Variants in PTPRD observed in about 807,000 individuals in gnomAD.
PTPRD encodes the protein protein tyrosine phosphatase receptor type D.
A neutral mutation model predicts 214.5 loss-of-function variants in PTPRD; 34 were observed. The observed-to-expected ratio is 0.16, with a 90% CI of 0.12 to 0.21. The LOEUF (loss-of-function observed/expected upper bound fraction) is 0.21. Ranked by LOEUF, PTPRD falls within the 10% of genes least tolerant of loss-of-function variation. PTPRD has a pLI of 1.00. For synonymous variants in PTPRD, 1,128 were observed against 845.7 expected (o/e 1.33, Z -5.79); for missense variants, 2,545 against 2,398.7 (o/e 1.06, Z -1.27).
At chr9:8,804,816 C>T (rs1461557469) in intron 11 of PTPRD, among the ~76,000 whole-genome samples, 3 of 152,112 alleles carry the variant, frequency 2.0e-5, no homozygotes, top group Admixed American at 2.0e-4. Flanking sequence ...GACTTTAGCT[C>T]AAAGTCCAGG....
intron 11 of PTPRD, among the ~76,000 whole-genome samples, chr9:8,973,123 G>T (rs904240046): frequency 2.0e-5 from 3 of 151,860 alleles, no homozygotes; most frequent in Non-Finnish European, 4.4e-5. Context: ...TTAGACACAG[G>T]TGTCAAATGT....
chr9:10,402,267 A>T (rs534153028), intron 2 of PTPRD, among the ~76,000 whole-genome samples: 3 of 151,804 alleles, frequency 2.0e-5, no homozygotes, highest in Non-Finnish European at 4.4e-5. Flanking sequence ...ATATCTTGAG[A>T]TTACAGAACT....
intron 3 of PTPRD, among the ~76,000 whole-genome samples, chr9:10,103,739 T>C (rs2098594981): frequency 6.6e-6 from 1 of 151,408 alleles, no homozygotes; most frequent in South Asian, 2.1e-4. Flanking sequence ...TGCTTATCCT[T>C]ACAGGCAGCA....
chr9:10,034,863 A>G lies in PTPRD; in HGVS notation c.-544-1073T>C, dbSNP rs144097800. 5.9e-4 allele frequency among the ~76,000 whole-genome samples: 90 copies of G among 152,248 alleles called. 2 individuals carry two copies. In the East Asian group the frequency reaches 0.015, roughly 25 times the overall value. The stretch of plus-strand genomic sequence containing the variant: ...TTTAGGTTGATTACACGTTTTTGCT[A>G]TTGTGAATAGTGCTGCAGTGAACAT... On this transcript the variant is annotated intron_variant, in intron 3 of 45. Coordinates refer to ENST00000381196, the MANE Select transcript of PTPRD (RefSeq NM_002839.4).
At position 8,316,053 on chromosome 9, in the gene PTPRD, T is replaced by C. The variant is rs1821545859; in HGVS notation, c.*1821A>G. The C allele has an allele frequency of 1.3e-5, 3 of 228,886 alleles. No homozygotes were observed. The highest frequency in any genetic ancestry group is 4.4e-5 in the African/African-American group (2 of 45,112). 14.2% of individuals were successfully genotyped at this position (228,886 alleles called of 1,614,324 possible). A position where few individuals can be genotyped will look rare whatever the true frequency, so the allele number is the denominator to read the frequency against. On this transcript the variant is annotated 3_prime_UTR_variant, in exon 46 of 46. Transcript: ENST00000381196. ...AAATAAGTTTGGTGCAGTTACTGCATGTTCCAGAGCGGATTTGGAAGGGAA... is the reference window on the plus strand; with the variant it reads ...AAATAAGTTTGGTGCAGTTACTGCACGTTCCAGAGCGGATTTGGAAGGGAA...
chr9:9,229,254 G>A (rs115182052), intron 9 of PTPRD, among the ~76,000 whole-genome samples: 1 of 152,038 alleles, frequency 6.6e-6, no homozygotes, highest in Non-Finnish European at 1.5e-5. Flanking sequence ...GGAAAAAGCA[G>A]AGTAATAGTC....
In PTPRD at chr9:9,953,088, C is replaced by T. The variant is rs75837983; in HGVS notation, c.-471-14478G>A. On this transcript the variant is annotated intron_variant, in intron 4 of 45. Transcript: ENST00000381196. ...GAAAAATGCAAAAGGTGGTGACCCA[C>T]ATCATATGTCTATTAGATTTATCCA... Among the ~76,000 whole-genome samples the T allele has an allele frequency of 8.2e-3, 1,251 of 152,210 alleles. 15 individuals are homozygous for T. The highest frequency in any genetic ancestry group is 0.029 in the African/African-American group (1,191 of 41,516).
At chr9:10,276,441 C>G (rs945164324) in intron 3 of PTPRD, among the ~76,000 whole-genome samples, 1 of 152,166 alleles carries the variant, frequency 6.6e-6, no homozygotes, top group African/African-American at 2.4e-5. Context: ...TGAGAAATGA[C>G]TGGATCTCAG....
chr9:9,811,859 A>G (rs1211478317), intron 5 of PTPRD, among the ~76,000 whole-genome samples: 1 of 152,196 alleles, frequency 6.6e-6, no homozygotes, highest in Admixed American at 6.5e-5. Flanking sequence ...TCTAATTGTG[A>G]AAGAAGTCCT....
At chr9:9,586,188 A>G (rs773515491) in intron 7 of PTPRD, among the ~76,000 whole-genome samples, 2 of 151,760 alleles carry the variant, frequency 1.3e-5, no homozygotes, top group African/African-American at 2.4e-5. Context: ...CATCTCTCAT[A>G]TTTCTTTTTC....
At chr9:8,710,228 T>G (rs1178114739) in intron 12 of PTPRD, among the ~76,000 whole-genome samples, 2 of 152,282 alleles carry the variant, frequency 1.3e-5, no homozygotes, top group East Asian at 1.9e-4. Context: ...GAAAGCAAAT[T>G]TCTGAAAGAC....
At chr9:8,752,599 C>T (rs2093634930) in intron 11 of PTPRD, among the ~76,000 whole-genome samples, 1 of 152,200 alleles carries the variant, frequency 6.6e-6, no homozygotes, top group South Asian at 2.1e-4. Flanking sequence ...AGAACCCTCT[C>T]TTGGGGTCTG....
chr9:9,237,142 T>C (rs2099967329), intron 9 of PTPRD, among the ~76,000 whole-genome samples: 1 of 152,200 alleles, frequency 6.6e-6, no homozygotes, highest in Admixed American at 6.5e-5. Context: ...ACAGAAATCT[T>C]TTGATTTCCT....
intron 4 of PTPRD, among the ~76,000 whole-genome samples, chr9:9,941,705 C>T (rs959005692): frequency 6.6e-6 from 1 of 152,110 alleles, no homozygotes; most frequent in Non-Finnish European, 1.5e-5. Flanking sequence ...AAGGACAGAT[C>T]GGCCTGTGAC....
In PTPRD at chr9:8,497,274, T is replaced by C; in HGVS notation, c.2323-6A>G. Reference sequence around the variant, plus strand: ...GTAGTATCATCAAATTCCCACTGATTGAGAATAAGAAGGTTGGGAGGAAAA... The same window carrying C: ...GTAGTATCATCAAATTCCCACTGATCGAGAATAAGAAGGTTGGGAGGAAAA... On this transcript the variant is annotated splice_region_variant and splice_polypyrimidine_tract_variant and intron_variant, in intron 25 of 45. Coordinates refer to ENST00000381196, the MANE Select transcript of PTPRD (RefSeq NM_002839.4). The C allele has an allele frequency of 1.9e-6, 3 of 1,594,474 alleles. No homozygotes were observed. Among genetic ancestry groups the C allele is most frequent in the South Asian group, 2.3e-5 (2 of 86,610 alleles).
chr9:10,405,164 A>G (rs1425688492), intron 2 of PTPRD, among the ~76,000 whole-genome samples: 3 of 151,618 alleles, frequency 2.0e-5, no homozygotes, highest in African/African-American at 7.2e-5. Context: ...AACCTTCCAA[A>G]AAAGGAACTG....
intron 9 of PTPRD, among the ~76,000 whole-genome samples, chr9:9,239,804 A>C (rs1371859432): frequency 6.6e-6 from 1 of 152,120 alleles, no homozygotes; most frequent in Non-Finnish European, 1.5e-5. Context: ...TTATCTTCAC[A>C]GCTGTCTGAC....
At chr9:9,786,166 C>T (rs773345147) in intron 5 of PTPRD, among the ~76,000 whole-genome samples, 1 of 152,118 alleles carries the variant, frequency 6.6e-6, no homozygotes, top group Non-Finnish European at 1.5e-5. Flanking sequence ...AAATTCAAGA[C>T]AAGCATTTAT....
intron 7 of PTPRD, among the ~76,000 whole-genome samples, chr9:9,619,886 T>C (rs2095138144): frequency 6.7e-6 from 1 of 149,598 alleles, no homozygotes; most frequent in African/African-American, 2.4e-5. Flanking sequence ...ATAGATGTTT[T>C]TATATACAGA....
Sources: allele counts gnomAD v4.1 joint callset (sites outside exome capture counted in the v4.1 genomes callset), GRCh38; gene constraint gnomAD v4.1.1; transcripts MANE v1.5; gene names NCBI Gene and HGNC (gene_info 2026-07-23, HGNC 2026-07-21).